Variants in PACRG observed in about 807,000 individuals in gnomAD.
PACRG encodes parkin coregulated gene protein.
In PACRG, 29 loss-of-function variants were observed where a neutral mutation model predicts 29.7. That is an observed-to-expected ratio of 0.98 (90% CI 0.73 to 1.33). The LOEUF (loss-of-function observed/expected upper bound fraction) is 1.33. Ranked by LOEUF, PACRG falls within the 40% of genes most tolerant of loss-of-function variation. The pLI is 0.00. For synonymous variants in PACRG, 116 were observed against 118.7 expected (o/e 0.98, Z 0.15); for missense variants, 279 against 316.2 (o/e 0.88, Z 0.89).
At chr6:162,937,590 G>T (rs1227907233) in intron 2 of PACRG, among the ~76,000 whole-genome samples, 1 of 152,168 alleles carries the variant, frequency 6.6e-6, no homozygotes, top group African/African-American at 2.4e-5. Flanking sequence ...CTCTCATTCT[G>T]TCAGTGACGT....
chr6:163,079,997 A>C (rs1015340889), intron 3 of PACRG, among the ~76,000 whole-genome samples: 6 of 141,024 alleles, frequency 4.3e-5, no homozygotes, highest in African/African-American at 1.6e-4. Flanking sequence ...TCCCGGGTGC[A>C]TTCCATTCTC....
At chr6:163,098,289 T>C (rs1405650464) in intron 4 of PACRG, among the ~76,000 whole-genome samples, 1 of 152,156 alleles carries the variant, frequency 6.6e-6, no homozygotes, top group East Asian at 1.9e-4. Context: ...ACAGGCCATG[T>C]GATCTGAAGC....
chr6:163,057,296 C>T (rs1364854698), intron 2 of PACRG, among the ~76,000 whole-genome samples: 8 of 152,094 alleles, frequency 5.3e-5, no homozygotes, highest in African/African-American at 1.4e-4. Context: ...CTAGTTTCCC[C>T]GTTTCTGCCA....
chr6:162,801,493 ATTTG>A (rs1785870970), intron 1 of PACRG, among the ~76,000 whole-genome samples: 1 of 152,164 alleles, frequency 6.6e-6, no homozygotes, highest in Non-Finnish European at 1.5e-5. Context: ...ATCATAAGTT[ATTTG>A]TTTTTCTGTG....
chr6:162,973,529 G>T (rs1468607810), intron 2 of PACRG, among the ~76,000 whole-genome samples: 1 of 152,086 alleles, frequency 6.6e-6, no homozygotes, highest in African/African-American at 2.4e-5. Context: ...AGCAAGCAAG[G>T]CAATTCTTTT....
At chr6:162,960,756 G>A (rs890845225) in intron 2 of PACRG, among the ~76,000 whole-genome samples, 1 of 152,118 alleles carries the variant, frequency 6.6e-6, no homozygotes, top group African/African-American at 2.4e-5. Flanking sequence ...AGAGGGCATT[G>A]GCTAACATAA....
chr6:163,117,456 A>G (rs1816059341), intron 4 of PACRG, among the ~76,000 whole-genome samples: 1 of 152,214 alleles, frequency 6.6e-6, no homozygotes, highest in South Asian at 2.1e-4. Context: ...TTGAGATTGC[A>G]AAAGAAAATT....
At chr6:162,947,381 TATATA>T (rs1292718442) in intron 2 of PACRG, among the ~76,000 whole-genome samples, 1 of 31,278 alleles carries the variant, frequency 3.2e-5, no homozygotes, top group African/African-American at 7.5e-5. Flanking sequence ...TATAATCATA[TATATA>T]ATCATATATA....
At chr6:163,198,788 A>C (rs896551110) in intron 4 of PACRG, among the ~76,000 whole-genome samples, 4 of 152,136 alleles carry the variant, frequency 2.6e-5, no homozygotes, top group African/African-American at 9.7e-5. Flanking sequence ...CAGCCTCAGG[A>C]AGTTGTGACG....
intron 2 of PACRG, among the ~76,000 whole-genome samples, chr6:162,955,497 G>T (rs1023247313): frequency 2.6e-5 from 4 of 151,968 alleles, no homozygotes; most frequent in African/African-American, 9.7e-5. Flanking sequence ...TACCGGGTTT[G>T]CCCATGTTGG....
chr6:163,152,897 C>T (rs1778157003), intron 4 of PACRG, among the ~76,000 whole-genome samples: 1 of 152,162 alleles, frequency 6.6e-6, no homozygotes, highest in Non-Finnish European at 1.5e-5. Flanking sequence ...CCCTCCTGAA[C>T]ACGGCCTATT....
At chr6:162,911,087 T>C (rs941995866) in intron 2 of PACRG, among the ~76,000 whole-genome samples, 1 of 152,264 alleles carries the variant, frequency 6.6e-6, no homozygotes, top group East Asian at 1.9e-4. Flanking sequence ...TTCTAAGTCA[T>C]GATGCGCATC....
intron 4 of PACRG, among the ~76,000 whole-genome samples, chr6:163,146,121 T>C (rs1417364145): frequency 6.6e-6 from 1 of 152,198 alleles, no homozygotes; most frequent in Non-Finnish European, 1.5e-5. Context: ...ATGTACCAGA[T>C]CATCACTCTT....
At chr6:162,793,927 A>G (rs560936597) in intron 1 of PACRG, among the ~76,000 whole-genome samples, 1 of 152,360 alleles carries the variant, frequency 6.6e-6, no homozygotes, top group South Asian at 2.1e-4. Flanking sequence ...GAATCTATAC[A>G]ACAGACTCCC....
At chr6:162,817,871 A>C (rs1269537300) in intron 2 of PACRG, among the ~76,000 whole-genome samples, 1 of 152,166 alleles carries the variant, frequency 6.6e-6, no homozygotes, top group Non-Finnish European at 1.5e-5. Flanking sequence ...GCATATCATA[A>C]ATTTATTAGT....
chr6:162,918,350 C>T (rs1389379024), intron 2 of PACRG, among the ~76,000 whole-genome samples: 4 of 152,108 alleles, frequency 2.6e-5, no homozygotes, highest in African/African-American at 2.4e-5. Flanking sequence ...TAATGAATAT[C>T]AAACCAATTT....
At chr6:163,308,525 G>A (rs1562371293) in intron 4 of PACRG, among the ~76,000 whole-genome samples, 1 of 152,102 alleles carries the variant, frequency 6.6e-6, no homozygotes, top group Non-Finnish European at 1.5e-5. Context: ...AATTAGCTGG[G>A]CATCGTGATG....
At chr6:162,951,387 C>A (rs1482423729) in intron 2 of PACRG, among the ~76,000 whole-genome samples, 2 of 152,226 alleles carry the variant, frequency 1.3e-5, no homozygotes, top group Non-Finnish European at 2.9e-5. Flanking sequence ...CCCAGATTGA[C>A]ACAGGCAGGA....
intron 2 of PACRG, among the ~76,000 whole-genome samples, chr6:162,899,057 C>A (rs1210719925): frequency 6.6e-6 from 1 of 152,218 alleles, no homozygotes; most frequent in South Asian, 2.1e-4. Context: ...GTGGTTATAT[C>A]CTAGGACAAA....
Sources: allele counts gnomAD v4.1 joint callset (sites outside exome capture counted in the v4.1 genomes callset), GRCh38; gene constraint gnomAD v4.1.1; transcripts MANE v1.5; gene names NCBI Gene and HGNC (gene_info 2026-07-23, HGNC 2026-07-21).